The following MAP3K12 variants were observed in gnomAD, a reference collection of about 807,000 sequenced individuals.
MAP3K12 encodes the protein mitogen-activated protein kinase kinase kinase 12.
A neutral mutation model predicts 87.5 loss-of-function variants in MAP3K12; 14 were observed. The observed-to-expected ratio is 0.16, with a 90% confidence interval of 0.11 to 0.25. The LOEUF (loss-of-function observed/expected upper bound fraction) is 0.25. Among genes scored for constraint, MAP3K12 ranks in the 10% least tolerant of loss-of-function variants. The pLI is 1.00. For missense variants in MAP3K12, 802 were observed against 1,140.4 expected (o/e 0.70, Z 4.27); for synonymous variants, 469 against 452.5 (o/e 1.04, Z -0.46).
intron 11 of MAP3K12, 94 bp from the exon 12 acceptor site, chr12:53,482,463 T>G: frequency 6.2e-7 from 1 of 1,606,486 alleles, no homozygotes; most frequent in African/African-American, 1.3e-5. Flanking sequence ...AAGGGTGAAG[T>G]AGGGAATGGC....
intron 13 of MAP3K12, chr12:53,481,676 T>G (rs928268461): frequency 1.6e-5 from 7 of 433,494 alleles, no homozygotes; most frequent in African/African-American, 1.4e-4. Flanking sequence ...CTTCCAGATT[T>G]CAGTTGCTCA....
intron 1 of MAP3K12, among the ~76,000 whole-genome samples, chr12:53,492,074 CAAAAAAAA>C (rs397849916): frequency 4.0e-5 from 4 of 100,904 alleles, no homozygotes; most frequent in African/African-American, 1.4e-4. Flanking sequence ...GACTCTGTTT[CAAAAAAAA>C]AAAAAAAAAG....
intron 6 of MAP3K12, 114 bp downstream of exon 6, chr12:53,484,940 GAA>G (rs1943188593): frequency 7.5e-7 from 1 of 1,341,544 alleles, no homozygotes; most frequent in Admixed American, 2.0e-5. Flanking sequence ...TGATTCAGAT[GAA>G]AGTCAGTCTC....
chr12:53,481,830 TA>T (rs1943060569), intron 13 of MAP3K12, 110 bp downstream of exon 13: 1 of 1,344,768 alleles, frequency 7.4e-7, no homozygotes, highest in Non-Finnish European at 1.0e-6. Context: ...ATTTGCTCTT[TA>T]TGGTACTTTC....
chr12:53,485,950 G>T, intron 4 of MAP3K12, 106 bp downstream of exon 4: 1 of 1,057,394 alleles, frequency 9.5e-7, no homozygotes, highest in Non-Finnish European at 1.4e-6. Context: ...AGGTTTCTGA[G>T]ATGGCCACAT....
At chr12:53,481,776 T>C (rs1038355227) in intron 13 of MAP3K12, 165 bp downstream of exon 13, 33 of 786,240 alleles carry the variant, frequency 4.2e-5, no homozygotes, top group Non-Finnish European at 6.0e-5. Context: ...GGCATCGTAA[T>C]AGATGCTCTG....
At position 53,484,383 on chromosome 12, in the gene MAP3K12, A is replaced by G. The variant is rs752918691; in HGVS notation, c.1140-18T>C. The stretch of plus-strand genomic sequence containing the variant: ...TGCTATTCCTGAAAGGAATGGAGTT[A>G]GGAAGGAGAGGGGAGAATTTGAGGG... On this transcript the variant is annotated intron_variant, in intron 6 of 13. Coordinates refer to ENST00000547488, the MANE Select transcript of MAP3K12 (RefSeq NM_001193511.2). 6 of 1,588,316 alleles carry G rather than the reference A, an allele frequency of 3.8e-6. No individual in the cohort carries two copies. Among genetic ancestry groups the G allele is most frequent in the Non-Finnish European group, 5.2e-6 (6 of 1,156,676 alleles).
chr12:53,482,768 C>T lies in MAP3K12; in HGVS notation c.2035G>A (p.Glu679Lys), dbSNP rs1381147119. 7.4e-6 allele frequency: 12 copies of T among 1,613,778 alleles called. No individual in the cohort carries two copies. Among genetic ancestry groups the T allele is most frequent in the Non-Finnish European group, 9.3e-6 (11 of 1,179,810 alleles). Reference sequence around the variant, plus strand: ...CTGGTGGAGCCAGGGGCTGAGCCCTCACTTGGTGGGGTGTCACCCCGGGCC... The same window carrying T: ...CTGGTGGAGCCAGGGGCTGAGCCCTTACTTGGTGGGGTGTCACCCCGGGCC... ...PPARGDTPPS[E>K]GSAPGSTSPD... The change falls in exon 11 of 14, where the codon GAG becomes AAG. Residue 679 changes from glutamate to lysine, a missense_variant. Glu to Lys is a moderately conservative substitution (Grantham distance 56). Coordinates refer to ENST00000547488, the MANE Select transcript of MAP3K12 (RefSeq NM_001193511.2).
chr12:53,481,595 G>A (rs1177122564), intron 13 of MAP3K12: 4 of 317,480 alleles, frequency 1.3e-5, no homozygotes, highest in South Asian at 4.5e-5. Flanking sequence ...TGATCCACCC[G>A]CCTCGGCCTC....
chr12:53,495,311 C>A (rs1427887416), intron 1 of MAP3K12, among the ~76,000 whole-genome samples: 2 of 127,224 alleles, frequency 1.6e-5, no homozygotes, highest in Non-Finnish European at 3.1e-5. Context: ...TGCACTCCAG[C>A]CTAGGCGACA....
upstream of MAP3K12, chr12:53,501,422 A>C (rs775401324): frequency 3.2e-6 from 5 of 1,567,194 alleles, no homozygotes; most frequent in Non-Finnish European, 4.3e-6. Context: ...AGTGAAGAGG[A>C]GCAAGGCTCC....
At chr12:53,497,455 TC>T (rs1408220581) in intron 1 of MAP3K12, among the ~76,000 whole-genome samples, 2 of 152,160 alleles carry the variant, frequency 1.3e-5, no homozygotes, top group Non-Finnish European at 2.9e-5. Context: ...ATCTTTAGCC[TC>T]CTCTGGAATC....
At chr12:53,490,977 A>G (rs1380468201) in intron 1 of MAP3K12, among the ~76,000 whole-genome samples, 7 of 152,020 alleles carry the variant, frequency 4.6e-5, no homozygotes, top group Non-Finnish European at 8.8e-5. Context: ...AGGACACCCA[A>G]TGATAATGGC....
chr12:53,494,413 G>C (rs1943495159), intron 1 of MAP3K12, among the ~76,000 whole-genome samples: 1 of 152,222 alleles, frequency 6.6e-6, no homozygotes, highest in South Asian at 2.1e-4. Flanking sequence ...CCCTAATTCA[G>C]TGCTTTGCTG....
In MAP3K12 at chr12:53,487,619, G is replaced by A. The variant is rs77419260; in HGVS notation, c.-37-191C>T. ...CATCTTAGGAAATCTGATACACTTGGGCTTCCTCTCAGGCATGTTAGTAAG... is the reference window on the plus strand; with the variant it reads ...CATCTTAGGAAATCTGATACACTTGAGCTTCCTCTCAGGCATGTTAGTAAG... On this transcript the variant is annotated intron_variant, in intron 1 of 13. Coordinates refer to ENST00000547488, the MANE Select transcript of MAP3K12 (RefSeq NM_001193511.2). The A allele has an allele frequency of 4.6e-3, 2,535 of 555,332 alleles. 42 individuals carry two copies. The highest frequency in any genetic ancestry group is 0.043 in the African/African-American group (2,289 of 53,412). The allele number at this position is 555,332 out of a possible 1,614,324, so 34.4% of individuals were successfully genotyped here.
intron 4 of MAP3K12, 85 bp from the exon 5 acceptor site, chr12:53,485,560 T>C: frequency 6.9e-7 from 1 of 1,442,632 alleles, no homozygotes; most frequent in Non-Finnish European, 9.4e-7. Context: ...TCAGGTTTTT[T>C]TGTTTGTTTG....
rs1049193 is a variant in MAP3K12, at chr12:53,480,060, G to C, written c.*1122C>G. 0.11 allele frequency: 17,048 copies of C among 151,818 alleles called. 1,214 individuals carry two copies. The highest frequency in any genetic ancestry group is 0.17 in the Middle Eastern group (49 of 294). 9.4% of individuals were successfully genotyped at this position (151,818 alleles called of 1,614,324 possible). A position where few individuals can be genotyped will look rare whatever the true frequency, so the allele number is the denominator to read the frequency against. On this transcript the variant is annotated 3_prime_UTR_variant, in exon 14 of 14. Transcript: ENST00000547488. ...CAAAAGATTGAGGATTAGACTTTCC[G>C]AGGACTTACCTGTCCTAGGGGAGTA...
rs996481563 is a variant in MAP3K12 at position 53,479,988 on chromosome 12, A to G, written c.*1194T>C. On this transcript the variant is annotated 3_prime_UTR_variant, in exon 14 of 14. Coordinates refer to ENST00000547488, the MANE Select transcript of MAP3K12 (RefSeq NM_001193511.2). ...ATCTTTTTTTGTGGCCCTCGATCCTATTTTTCCCTGACTCCATGCTTGGTT... is the reference window on the plus strand; with the variant it reads ...ATCTTTTTTTGTGGCCCTCGATCCTGTTTTTCCCTGACTCCATGCTTGGTT... The G allele has an allele frequency of 6.7e-6, 1 of 150,140 alleles. No homozygotes were observed. The highest frequency in any genetic ancestry group is 2.5e-5 in the African/African-American group (1 of 40,600). The allele number at this position is 150,140 out of a possible 1,614,324, so 9.3% of individuals were successfully genotyped here.
Position 53,480,863 on chromosome 12 carries a change from TATTTG to T in MAP3K12, c.*314_*318del, listed in dbSNP as rs1943006152. On this transcript the variant is annotated 3_prime_UTR_variant, in exon 14 of 14. Transcript: ENST00000547488. Reference sequence around the variant, plus strand: ...CACCGCCCCTCCCCCCACCCCCTATTATTTGGGGATAAAGAATATAAAGACAACCC... The same window carrying T: ...CACCGCCCCTCCCCCCACCCCCTATTGGGATAAAGAATATAAAGACAACCC... The T allele has an allele frequency of 6.6e-6, 1 of 150,594 alleles. No individual in the cohort carries two copies. The highest frequency in any genetic ancestry group is 2.1e-4 in the South Asian group (1 of 4,654). 9.3% of individuals were successfully genotyped at this position (150,594 alleles called of 1,614,324 possible).
Sources: gnomAD v4.1 joint callset for allele counts (sites outside exome capture counted in the v4.1 genomes callset) on GRCh38, gnomAD v4.1.1 for gene constraint, MANE v1.5 for transcripts, NCBI Gene and HGNC (gene_info 2026-07-23, HGNC 2026-07-21) for gene names.